The following FSIP1 variants were observed in gnomAD, a reference collection of about 807,000 sequenced individuals.
FSIP1 encodes the protein fibrous sheath interacting protein 1, also known as fibrous sheath-interacting protein 1.
FSIP1 carries 65 observed loss-of-function variants against 60.9 expected under a neutral mutation model. The observed-to-expected ratio is 1.07, with a 90% CI of 0.87 to 1.31. The LOEUF is 1.31. Among genes scored for constraint, FSIP1 ranks in the 40% most tolerant of loss-of-function variants. The pLI is 0.00. For synonymous variants in FSIP1, 209 were observed against 221.2 expected (o/e 0.94, Z 0.49); for missense variants, 675 against 665.5 (o/e 1.01, Z -0.16).
intron 10 of FSIP1, among the ~76,000 whole-genome samples, chr15:39,704,338 G>A (rs16969632): frequency 0.12 from 18,488 of 152,202 alleles, 1,216 homozygotes; most frequent in Middle Eastern, 0.24. Context: ...ATTAATGTAC[G>A]AATGCCAAAG....
intron 6 of FSIP1, 117 bp downstream of exon 6, chr15:39,741,688 C>T: frequency 1.7e-6 from 1 of 589,780 alleles, no homozygotes; most frequent in Non-Finnish European, 3.0e-6. Flanking sequence ...TTGAACTCTA[C>T]TTGCTTCCAC....
intron 10 of FSIP1, among the ~76,000 whole-genome samples, chr15:39,626,796 G>A (rs1174311923): frequency 8.5e-6 from 1 of 117,222 alleles, no homozygotes; most frequent in Non-Finnish European, 1.8e-5. Flanking sequence ...TATAAATTAC[G>A]TAGTATTTTT....
At chr15:39,693,911 A>G (rs2140509513) in intron 10 of FSIP1, among the ~76,000 whole-genome samples, 1 of 152,330 alleles carries the variant, frequency 6.6e-6, no homozygotes, top group Admixed American at 6.5e-5. Context: ...CTGAAGGAAC[A>G]TAGAAGAATA....
intron 10 of FSIP1, among the ~76,000 whole-genome samples, chr15:39,625,329 T>C (rs927616618): frequency 2.6e-5 from 4 of 152,092 alleles, no homozygotes; most frequent in African/African-American, 9.7e-5. Context: ...GGGATGAGCA[T>C]GGATCGAGGG....
At chr15:39,668,360 T>C (rs935288982) in intron 10 of FSIP1, among the ~76,000 whole-genome samples, 1 of 152,084 alleles carries the variant, frequency 6.6e-6, no homozygotes, top group African/African-American at 2.4e-5. Context: ...GCAGAAGCAA[T>C]TTCTCCAGAA....
chr15:39,667,619 G>A lies in FSIP1; in HGVS notation c.1188+45825C>T, dbSNP rs532134912. Among the ~76,000 whole-genome samples the A allele has an allele frequency of 6.9e-4, 105 of 152,290 alleles. 2 individuals are homozygous for A. The South Asian group carries it at 0.021, about 31-fold the overall frequency. On this transcript the variant is annotated intron_variant, in intron 10 of 11. Transcript: ENST00000350221. ...TGAGGGAAACAGACAATCACACAAA[G>A]GAACACATTATTACCTCCCATGAGC...
At chr15:39,769,793 T>C (rs536195019) in intron 3 of FSIP1, among the ~76,000 whole-genome samples, 11 of 152,222 alleles carry the variant, frequency 7.2e-5, no homozygotes, top group Non-Finnish European at 1.2e-4. Flanking sequence ...GCCATTGTCC[T>C]GATTCATGAT....
chr15:39,732,149 C>T (rs1896429235), intron 8 of FSIP1, among the ~76,000 whole-genome samples: 2 of 152,198 alleles, frequency 1.3e-5, no homozygotes, highest in South Asian at 4.1e-4. Context: ...AGGGTTCGTG[C>T]TTCTGTGAGA....
chr15:39,693,924 T>C (rs1269186187), intron 10 of FSIP1, among the ~76,000 whole-genome samples: 1 of 152,112 alleles, frequency 6.6e-6, no homozygotes, highest in East Asian at 1.9e-4. Context: ...GAAGAATAGA[T>C]TTTAAATATT....
At chr15:39,681,288 G>GGTTTTCT (rs1894151154) in intron 10 of FSIP1, among the ~76,000 whole-genome samples, 1 of 151,456 alleles carries the variant, frequency 6.6e-6, no homozygotes, top group Admixed American at 6.6e-5. Flanking sequence ...TTTTGGCTTT[G>GGTTTTCT]GTTTTTTGTT....
At chr15:39,626,981 C>G (rs1007292247) in intron 10 of FSIP1, among the ~76,000 whole-genome samples, 1 of 151,446 alleles carries the variant, frequency 6.6e-6, no homozygotes, top group African/African-American at 2.4e-5. Flanking sequence ...CCCTTCCCCC[C>G]TCACCCCAAT....
At chr15:39,654,972 A>G (rs1398153737) in intron 10 of FSIP1, among the ~76,000 whole-genome samples, 1 of 152,254 alleles carries the variant, frequency 6.6e-6, no homozygotes, top group Admixed American at 6.5e-5. Context: ...TGGTTTCTCC[A>G]ATAATCAGTT....
intron 10 of FSIP1, among the ~76,000 whole-genome samples, chr15:39,667,507 T>G (rs1458224147): frequency 1.3e-5 from 2 of 152,158 alleles, no homozygotes; most frequent in Non-Finnish European, 2.9e-5. Flanking sequence ...AAAAGACTTA[T>G]CAGATCCCTA....
At chr15:39,674,545 A>C (rs1893860382) in intron 10 of FSIP1, among the ~76,000 whole-genome samples, 1 of 151,892 alleles carries the variant, frequency 6.6e-6, no homozygotes, top group Non-Finnish European at 1.5e-5. Context: ...AGGGAGAGAC[A>C]TATTGACCTA....
intron 11 of FSIP1, among the ~76,000 whole-genome samples, 192 bp from the exon 12 acceptor site, chr15:39,601,118 G>T (rs533234934): frequency 6.6e-6 from 1 of 152,186 alleles, no homozygotes; most frequent in Admixed American, 6.5e-5. Context: ...AGATCAGGGC[G>T]CCTACTCTCA....
chr15:39,632,995 T>C (rs1891965914), intron 10 of FSIP1, among the ~76,000 whole-genome samples: 1 of 151,860 alleles, frequency 6.6e-6, no homozygotes, highest in Non-Finnish European at 1.5e-5. Flanking sequence ...CACAGAGATA[T>C]GGACTCAGAA....
chr15:39,624,738 C>T (rs1467669706), intron 10 of FSIP1, among the ~76,000 whole-genome samples: 2 of 152,158 alleles, frequency 1.3e-5, no homozygotes, highest in Admixed American at 1.3e-4. Context: ...GAAGCCAAAC[C>T]AAGGACAAAG....
At chr15:39,765,550 AT>A (rs1351346705) in intron 4 of FSIP1, 41 bp downstream of exon 4, 2 of 1,463,280 alleles carry the variant, frequency 1.4e-6, no homozygotes, top group Non-Finnish European at 1.8e-6. Context: ...AGCCAGGAGA[AT>A]TTATTTCTTA....
chr15:39,697,117 A>G (rs1894853654), intron 10 of FSIP1, among the ~76,000 whole-genome samples: 1 of 152,190 alleles, frequency 6.6e-6, no homozygotes, highest in Admixed American at 6.5e-5. Context: ...TCACATTTGC[A>G]TAGCCACTTT....
Sources: gnomAD v4.1 joint callset for allele counts (sites outside exome capture counted in the v4.1 genomes callset) on GRCh38, gnomAD v4.1.1 for gene constraint, MANE v1.5 for transcripts, NCBI Gene and HGNC (gene_info 2026-07-23, HGNC 2026-07-21) for gene names.